Variants in TAFA2 observed in about 807,000 individuals in gnomAD.
TAFA2 encodes chemokine-like protein TAFA-2.
A neutral mutation model predicts 18.8 loss-of-function variants in TAFA2; 7 were observed. The ratio of observed to expected loss-of-function variants is 0.37; its 90% confidence interval spans 0.21 to 0.70. TAFA2 has a LOEUF of 0.70. TAFA2 is among the 30% of genes least tolerant of loss of function. TAFA2 has a pLI of 0.53. For synonymous variants in TAFA2, 60 were observed against 54.2 expected (o/e 1.11, Z -0.47); for missense variants, 122 against 158.1 (o/e 0.77, Z 1.23).
intron 1 of TAFA2, among the ~76,000 whole-genome samples, chr12:61,993,069 A>C (rs1880062878): frequency 6.6e-6 from 1 of 152,200 alleles, no homozygotes; most frequent in Admixed American, 6.5e-5. Flanking sequence ...GAAACTGGCC[A>C]CGCTGAAGTT....
intron 1 of TAFA2, among the ~76,000 whole-genome samples, chr12:62,047,265 G>A (rs953368930): frequency 5.3e-5 from 8 of 152,060 alleles, no homozygotes; most frequent in East Asian, 3.9e-4. Context: ...AGGCTAGGTC[G>A]CAGAAAGCCT....
At chr12:61,966,407 G>T (rs1158538384) in intron 1 of TAFA2, among the ~76,000 whole-genome samples, 2 of 151,830 alleles carry the variant, frequency 1.3e-5, no homozygotes, top group Admixed American at 6.6e-5. Context: ...TTTTATAAGG[G>T]CTGTAATCCC....
chr12:61,739,824 G>A (rs1279035959), intron 4 of TAFA2, among the ~76,000 whole-genome samples: 3 of 152,044 alleles, frequency 2.0e-5, no homozygotes, highest in Non-Finnish European at 4.4e-5. Flanking sequence ...GAAGTTGGGG[G>A]TTGAGATTTC....
chr12:61,898,838 TG>T (rs982366656), intron 1 of TAFA2, among the ~76,000 whole-genome samples: 1 of 152,164 alleles, frequency 6.6e-6, no homozygotes, highest in African/African-American at 2.4e-5. Context: ...CCCTAGAAAA[TG>T]GGTTTTTCTT....
chr12:62,024,394 A>G (rs1351161648), intron 1 of TAFA2, among the ~76,000 whole-genome samples: 1 of 152,134 alleles, frequency 6.6e-6, no homozygotes, highest in Admixed American at 6.5e-5. Context: ...GATAATGTCC[A>G]AAATGCCTAT....
At chr12:61,909,646 G>A (rs959094447) in intron 1 of TAFA2, among the ~76,000 whole-genome samples, 6 of 152,194 alleles carry the variant, frequency 3.9e-5, no homozygotes, top group Non-Finnish European at 7.3e-5. Context: ...AGTGGCAGAT[G>A]TAGTAAAGAG....
chr12:62,144,830 A>G (rs557738009), intron 1 of TAFA2, among the ~76,000 whole-genome samples: 3 of 152,288 alleles, frequency 2.0e-5, no homozygotes, highest in East Asian at 3.9e-4. Context: ...AGAAAGCCTT[A>G]TATCCCATTT....
intron 1 of TAFA2, among the ~76,000 whole-genome samples, chr12:61,988,640 T>C (rs1454606611): frequency 2.0e-5 from 3 of 152,160 alleles, no homozygotes; most frequent in African/African-American, 7.2e-5. Flanking sequence ...TGACTTCTGA[T>C]CAAAGGGACA....
intron 4 of TAFA2, among the ~76,000 whole-genome samples, chr12:61,750,754 G>C (rs1044634613): frequency 6.6e-6 from 1 of 152,148 alleles, no homozygotes; most frequent in Non-Finnish European, 1.5e-5. Context: ...TTATAAGGGA[G>C]AGTGTACATT....
chr12:62,173,141 G>T (rs531556925), intron 1 of TAFA2, among the ~76,000 whole-genome samples: 1 of 152,214 alleles, frequency 6.6e-6, no homozygotes, highest in East Asian at 1.9e-4. Context: ...GGCTGGGTGT[G>T]GTGGCTCATG....
rs1869324997 is a variant in TAFA2 at position 61,710,137 on chromosome 12, G to T, written c.*269C>A. The T allele has an allele frequency of 2.3e-6, 1 of 436,794 alleles. No individual in the cohort carries two copies. Among genetic ancestry groups the T allele is most frequent in the Admixed American group, 4.0e-5 (1 of 25,286 alleles). The allele number at this position is 436,794 out of a possible 1,614,324, so 27.1% of individuals were successfully genotyped here. A position where few individuals can be genotyped will look rare whatever the true frequency, so the allele number is the denominator to read the frequency against. The stretch of plus-strand genomic sequence containing the variant: ...CCCTGAAAAAAACAACTCTTCACCA[G>T]CTCCTCAGACAGTGACTTCAAATTC... On this transcript the variant is annotated 3_prime_UTR_variant, in exon 5 of 5. Coordinates refer to ENST00000416284, the MANE Select transcript of TAFA2 (RefSeq NM_178539.5).
In TAFA2 at chr12:61,709,685, C is replaced by A. The variant is rs1189043186; in HGVS notation, c.*721G>T. 1.3e-5 allele frequency: 2 copies of A among 151,998 alleles called. No homozygotes were observed. The highest frequency in any genetic ancestry group is 2.9e-5 in the Non-Finnish European group (2 of 67,964). The allele number at this position is 151,998 out of a possible 1,614,324, so 9.4% of individuals were successfully genotyped here. ...ATATAATGAAAATGGCAATCCAGTT[C>A]TAACTACTACCTATTTGACAAAGAG... On this transcript the variant is annotated 3_prime_UTR_variant, in exon 5 of 5. Coordinates refer to ENST00000416284, the MANE Select transcript of TAFA2 (RefSeq NM_178539.5).
At chr12:61,887,822 T>C (rs1875455560) in intron 1 of TAFA2, among the ~76,000 whole-genome samples, 1 of 151,736 alleles carries the variant, frequency 6.6e-6, no homozygotes, top group Admixed American at 6.5e-5. Flanking sequence ...ATTTTCTTAA[T>C]CCAGTCTATC....
At position 61,836,442 on chromosome 12, in the gene TAFA2, G is replaced by T. The variant is rs1205337665; in HGVS notation, c.106+30878C>A. 2.6e-5 allele frequency among the ~76,000 whole-genome samples: 4 copies of T among 151,832 alleles called. No individual in the cohort carries two copies. The East Asian group carries it at 7.8e-4, about 30-fold the overall frequency. On this transcript the variant is annotated intron_variant, in intron 2 of 4. Transcript: ENST00000416284. The stretch of plus-strand genomic sequence containing the variant: ...ATACATTATAAACTCTATTCAAAGG[G>T]CCCATCTCAGACAAAAGGCCTTAGC...
intron 1 of TAFA2, chr12:61,880,430 C>T: frequency 1.9e-6 from 1 of 539,426 alleles, no homozygotes; most frequent in East Asian, 5.2e-5. Context: ...CATGGCACAG[C>T]AGCTGCGTGT....
intron 1 of TAFA2, among the ~76,000 whole-genome samples, chr12:61,897,000 C>G (rs1413779846): frequency 6.6e-6 from 1 of 152,016 alleles, no homozygotes; most frequent in Non-Finnish European, 1.5e-5. Context: ...TGATTTCATG[C>G]AATATTACTT....
chr12:61,909,952 AG>A (rs1308809180), intron 1 of TAFA2, among the ~76,000 whole-genome samples: 12 of 152,322 alleles, frequency 7.9e-5, no homozygotes, highest in Middle Eastern at 3.4e-3. Flanking sequence ...TAATTATTAA[AG>A]GAGGCTATGC....
At chr12:62,126,384 C>T (rs1025935) in intron 1 of TAFA2, among the ~76,000 whole-genome samples, 34,944 of 151,970 alleles carry the variant, frequency 0.23, 4,333 homozygotes, top group East Asian at 0.36. Flanking sequence ...ACATATATTT[C>T]GTTCCAGATT....
intron 1 of TAFA2, among the ~76,000 whole-genome samples, chr12:61,949,800 T>G (rs899247024): frequency 2.0e-5 from 3 of 152,178 alleles, no homozygotes; most frequent in Non-Finnish European, 4.4e-5. Flanking sequence ...ATTTACTATC[T>G]TAGTCATTTT....
Sources: gnomAD v4.1 joint callset for allele counts (sites outside exome capture counted in the v4.1 genomes callset) on GRCh38, gnomAD v4.1.1 for gene constraint, MANE v1.5 for transcripts, NCBI Gene and HGNC (gene_info 2026-07-23, HGNC 2026-07-21) for gene names.